Variants in NDFIP2 observed in about 807,000 individuals in gnomAD.
NDFIP2 encodes NEDD4 family-interacting protein 2.
A neutral mutation model predicts 36.0 loss-of-function variants in NDFIP2; 19 were observed. The observed-to-expected ratio is 0.53, with a 90% CI of 0.37 to 0.77. The LOEUF (loss-of-function observed/expected upper bound fraction) is 0.77. NDFIP2 is among the 30% of genes least tolerant of loss of function. The probability of loss-of-function intolerance (pLI) is 0.00; values close to 1 mark genes in which losing one functional copy is unlikely to be tolerated. For synonymous variants in NDFIP2, 181 were observed against 167.7 expected (o/e 1.08, Z -0.61); for missense variants, 446 against 435.8 (o/e 1.02, Z -0.21).
rs188422737 is a variant in NDFIP2, at chr13:79,521,969, C to T, written c.487+994C>T. 2.0e-3 allele frequency among the ~76,000 whole-genome samples: 301 copies of T among 151,838 alleles called. 1 individual carries two copies. Among genetic ancestry groups the T allele is most frequent in the African/African-American group, 6.7e-3 (279 of 41,376 alleles). On this transcript the variant is annotated intron_variant, in intron 2 of 7. Coordinates refer to ENST00000218652, the MANE Select transcript of NDFIP2 (RefSeq NM_019080.3). ...CCTCCCAAGTAGCTGGGACTACAGGCGCCCACGACCACGCCTGGCTAATTT... is the reference window on the plus strand; with the variant it reads ...CCTCCCAAGTAGCTGGGACTACAGGTGCCCACGACCACGCCTGGCTAATTT...
chr13:79,517,505 A>C (rs1459416619), intron 1 of NDFIP2, among the ~76,000 whole-genome samples: 3 of 152,246 alleles, frequency 2.0e-5, no homozygotes, highest in African/African-American at 7.2e-5. Context: ...GTTAATTCAC[A>C]GAGGCAATTT....
Position 79,533,347 on chromosome 13 carries a change from A to G in NDFIP2, c.512A>G (p.Tyr171Cys), listed in dbSNP as rs368610434. The G allele has an allele frequency of 2.8e-5, 45 of 1,609,574 alleles. No homozygotes were observed. The highest frequency in any genetic ancestry group is 3.7e-5 in the Non-Finnish European group (43 of 1,177,862). The change falls in exon 3 of 8, where the codon TAT (tyrosine) becomes TGT (cysteine). Residue 171 changes from tyrosine to cysteine, a missense_variant. Physicochemically the swap from Tyr to Cys is radical, Grantham distance 194. Coordinates refer to ENST00000218652, the MANE Select transcript of NDFIP2 (RefSeq NM_019080.3). ...GATACAGAAGTTTACGGTGAGTTTT[A>G]TCCCGTGCCACCTCCCTATAGCGTT... Reference protein sequence around the residue: ...TSDTEVYGEFYPVPPPYSVAT... With the variant: ...TSDTEVYGEFCPVPPPYSVAT...
intron 2 of NDFIP2, among the ~76,000 whole-genome samples, chr13:79,528,616 C>T (rs1043793669): frequency 6.6e-6 from 1 of 152,144 alleles, no homozygotes; most frequent in Non-Finnish European, 1.5e-5. Context: ...GTGCCCTATC[C>T]AGGTCGGCCA....
chr13:79,521,929 A>G (rs1045074620), intron 2 of NDFIP2, among the ~76,000 whole-genome samples: 1 of 146,562 alleles, frequency 6.8e-6, no homozygotes, highest in Non-Finnish European at 1.5e-5. Context: ...GGTTCACGCC[A>G]TTCTCCTGCC....
Position 79,543,599 on chromosome 13 carries a change from T to C in NDFIP2, c.757T>C (p.Cys253Arg), listed in dbSNP as rs1323233665. ...CTGGCTTGGATTTTGTTTATCCTTC[T>C]GTATCACCAATACCATAGCTGGAAG... Reference protein sequence around the residue: ...FNWLGFCLSFCITNTIAGRYG... With the variant: ...FNWLGFCLSFRITNTIAGRYG... Residue 253 changes from cysteine to arginine, a missense_variant, in exon 5 of 8, where the codon TGT becomes CGT. Physicochemically the swap from Cys to Arg is radical, Grantham distance 180. This residue lies in a region of NDFIP2 where 77 missense variants were observed against 131.0 expected (regional missense o/e 0.59). Transcript: ENST00000218652. 1 of 1,614,052 alleles carries C rather than the reference T, an allele frequency of 6.2e-7. No individual in the cohort carries two copies. The highest frequency in any genetic ancestry group is 1.7e-5 in the Admixed American group (1 of 60,030).
At chr13:79,489,956 A>C (rs956281045) in intron 1 of NDFIP2, among the ~76,000 whole-genome samples, 11 of 152,142 alleles carry the variant, frequency 7.2e-5, no homozygotes, top group Non-Finnish European at 1.5e-4. Flanking sequence ...TGTGATGAGG[A>C]AGTCAATCTC....
At chr13:79,522,002 G>A (rs1486751406) in intron 2 of NDFIP2, among the ~76,000 whole-genome samples, 1 of 151,498 alleles carries the variant, frequency 6.6e-6, no homozygotes, top group Non-Finnish European at 1.5e-5. Context: ...TTTCATTTTT[G>A]TATTCTTAGT....
intron 4 of NDFIP2, among the ~76,000 whole-genome samples, chr13:79,540,663 A>G (rs1407059418): frequency 1.3e-5 from 2 of 152,192 alleles, no homozygotes; most frequent in Non-Finnish European, 2.9e-5. Flanking sequence ...TTTAAAAAGT[A>G]GAAAATACAG....
chr13:79,505,254 C>T (rs1180773867), intron 1 of NDFIP2, among the ~76,000 whole-genome samples: 4 of 152,062 alleles, frequency 2.6e-5, no homozygotes, highest in Admixed American at 6.6e-5. Flanking sequence ...CTTTATTAGC[C>T]GGATTGTTGA....
At chr13:79,507,715 A>T (rs1426872531) in intron 1 of NDFIP2, among the ~76,000 whole-genome samples, 4 of 152,092 alleles carry the variant, frequency 2.6e-5, no homozygotes, top group African/African-American at 9.7e-5. Flanking sequence ...AACTTTTTTT[A>T]AAATTTAAAT....
chr13:79,515,199 A>G (rs943887720), intron 1 of NDFIP2, among the ~76,000 whole-genome samples: 4 of 137,600 alleles, frequency 2.9e-5, no homozygotes, highest in African/African-American at 1.3e-4. Flanking sequence ...ACATAGAACA[A>G]GTACAGTAAA....
Position 79,539,672 on chromosome 13 carries a change from A to C in NDFIP2, c.622-10A>C, listed in dbSNP as rs764816672. 5.0e-6 allele frequency: 8 copies of C among 1,608,408 alleles called. No homozygotes were observed. Among genetic ancestry groups the C allele is most frequent in the Non-Finnish European group, 6.0e-6 (7 of 1,174,988 alleles). On this transcript the variant is annotated splice_polypyrimidine_tract_variant and intron_variant, in intron 3 of 7. Transcript: ENST00000218652. Reference sequence around the variant, plus strand: ...TTTTAGTGAGCTATTCCAATGTTACATATTTACAGATTCAGGAGGAAGAGT... The same window carrying C: ...TTTTAGTGAGCTATTCCAATGTTACCTATTTACAGATTCAGGAGGAAGAGT...
intron 2 of NDFIP2, among the ~76,000 whole-genome samples, chr13:79,521,807 T>C (rs969570732): frequency 3.3e-5 from 5 of 151,620 alleles, no homozygotes; most frequent in Non-Finnish European, 7.4e-5. Context: ...ACTCCTTTTA[T>C]TTGGTTTTCG....
At chr13:79,550,680 G>A (rs2137120338) in intron 6 of NDFIP2, among the ~76,000 whole-genome samples, 1 of 151,542 alleles carries the variant, frequency 6.6e-6, no homozygotes, top group East Asian at 1.9e-4. Context: ...GAGCCCATGG[G>A]TTCAATGGGG....
At chr13:79,516,754 A>G (rs1874358598) in intron 1 of NDFIP2, among the ~76,000 whole-genome samples, 1 of 152,088 alleles carries the variant, frequency 6.6e-6, no homozygotes. Context: ...TTGCTGGCTG[A>G]CCCACCAGAC....
Position 79,548,318 on chromosome 13 carries a change from C to T in NDFIP2, c.841-10C>T. Reference sequence around the variant, plus strand: ...TGAATTCGGTTAATATATTTATGTTCACTCCATAGTTTTCTGATTATTTTA... The same window carrying T: ...TGAATTCGGTTAATATATTTATGTTTACTCCATAGTTTTCTGATTATTTTA... On this transcript the variant is annotated splice_polypyrimidine_tract_variant and intron_variant, in intron 5 of 7. Coordinates refer to ENST00000218652, the MANE Select transcript of NDFIP2 (RefSeq NM_019080.3). 3.2e-6 allele frequency: 5 copies of T among 1,548,560 alleles called. No individual in the cohort carries two copies. The highest frequency in any genetic ancestry group is 4.4e-6 in the Non-Finnish European group (5 of 1,134,160).
At chr13:79,521,902 G>A (rs1874599531) in intron 2 of NDFIP2, among the ~76,000 whole-genome samples, 1 of 147,042 alleles carries the variant, frequency 6.8e-6, no homozygotes, top group African/African-American at 2.5e-5. Context: ...TCGGCTCACT[G>A]CAAGCTCTGC....
At chr13:79,519,562 C>A (rs778640458) in intron 1 of NDFIP2, among the ~76,000 whole-genome samples, 12 of 152,166 alleles carry the variant, frequency 7.9e-5, no homozygotes, top group Non-Finnish European at 1.0e-4. Flanking sequence ...TGACATATGG[C>A]AAGTTACTTT....
chr13:79,546,113 A>G (rs1433083755), intron 5 of NDFIP2, among the ~76,000 whole-genome samples: 1 of 152,142 alleles, frequency 6.6e-6, no homozygotes, highest in East Asian at 1.9e-4. Context: ...CCTCTGTTAC[A>G]CTGTACTTTG....
Sources: allele counts gnomAD v4.1 joint callset (sites outside exome capture counted in the v4.1 genomes callset), GRCh38; gene constraint gnomAD v4.1.1; regional missense constraint gnomAD v4.1.1; transcripts MANE v1.5; gene names NCBI Gene and HGNC (gene_info 2026-07-23, HGNC 2026-07-21).